Variants in RBFOX3 observed in about 807,000 individuals in gnomAD.
RBFOX3 encodes the protein RNA binding protein fox-1 homolog 3.
RBFOX3 carries 17 observed loss-of-function variants against 48.7 expected under a neutral mutation model. That is an observed-to-expected ratio of 0.35 (90% CI 0.24 to 0.52). The LOEUF is 0.52. Ranked by LOEUF, RBFOX3 falls within the 20% of genes least tolerant of loss-of-function variation. The probability of loss-of-function intolerance (pLI) is 0.94; values close to 1 mark genes in which losing one functional copy is unlikely to be tolerated. For synonymous variants in RBFOX3, 212 were observed against 209.5 expected (o/e 1.01, Z -0.10); for missense variants, 382 against 497.5 (o/e 0.77, Z 2.21).
At chr17:79,619,048 T>C in the RBFOX3 span, among the ~76,000 whole-genome samples, 1 of 152,182 alleles carries the variant, frequency 6.6e-6, no homozygotes, top group African/African-American at 2.4e-5. Context: ...ATTAATATGT[T>C]TGTGGATGCT....
At chr17:79,126,465 C>T (rs2037315128) in intron 4 of RBFOX3, among the ~76,000 whole-genome samples, 1 of 152,112 alleles carries the variant, frequency 6.6e-6, no homozygotes, top group Non-Finnish European at 1.5e-5. Flanking sequence ...CGGGGGCTGA[C>T]CTCTGGCAGG....
intron 2 of RBFOX3, among the ~76,000 whole-genome samples, chr17:79,445,487 G>A (rs542775047): frequency 4.6e-5 from 7 of 152,250 alleles, no homozygotes; most frequent in African/African-American, 1.7e-4. Flanking sequence ...TCGATTTCCA[G>A]GACTGTCTAC....
chr17:79,102,407 C>T lies in RBFOX3; in HGVS notation c.507+755G>A, dbSNP rs1599426859. On this transcript the variant is annotated intron_variant, in intron 8 of 14. Coordinates refer to ENST00000693108, the MANE Select transcript of RBFOX3 (RefSeq NM_001350451.2). ...CCAGTGCCTTCAGAAGTCTGGAAAC[C>T]TCCTCTCAGGCCCTTCACTGCCTGC... 2.6e-5 allele frequency among the ~76,000 whole-genome samples: 4 copies of T among 152,332 alleles called. No individual in the cohort carries two copies. In the South Asian group the frequency reaches 8.3e-4, roughly 32 times the overall value.
At chr17:79,225,101 A>G (rs1230165418) in intron 4 of RBFOX3, among the ~76,000 whole-genome samples, 1 of 152,090 alleles carries the variant, frequency 6.6e-6, no homozygotes, top group African/African-American at 2.4e-5. Flanking sequence ...CCTATGCAAA[A>G]CATGCCCCTG....
intron 3 of RBFOX3, among the ~76,000 whole-genome samples, chr17:79,248,713 G>A (rs2063512336): frequency 1.3e-5 from 2 of 152,178 alleles, no homozygotes; most frequent in African/African-American, 4.8e-5. Context: ...CCCTATCGGG[G>A]GGTGCTTGTA....
At chr17:79,637,528 T>C in the RBFOX3 span, among the ~76,000 whole-genome samples, 131 of 151,960 alleles carry the variant, frequency 8.6e-4, no homozygotes, top group African/African-American at 3.0e-3. Flanking sequence ...ACCCCGTTTC[T>C]ATTAAAAATA....
intron 4 of RBFOX3, among the ~76,000 whole-genome samples, chr17:79,170,570 G>C (rs1054706965): frequency 1.3e-5 from 2 of 152,074 alleles, no homozygotes; most frequent in African/African-American, 4.8e-5. Context: ...CTGTTCTACA[G>C]GGACCCCTCC....
chr17:79,602,783 C>T (rs1017703776), intron 1 of RBFOX3, among the ~76,000 whole-genome samples: 6 of 152,106 alleles, frequency 3.9e-5, no homozygotes, highest in African/African-American at 1.2e-4. Flanking sequence ...CCTCAGCCTG[C>T]GCGGTAAGCG....
At chr17:79,500,011 T>A (rs1188960753) in intron 1 of RBFOX3, among the ~76,000 whole-genome samples, 3 of 152,152 alleles carry the variant, frequency 2.0e-5, no homozygotes, top group Non-Finnish European at 4.4e-5. Flanking sequence ...GTGGAAGAGA[T>A]GGTGAGCCAT....
At chr17:79,660,622 A>G in the RBFOX3 span, among the ~76,000 whole-genome samples, 127,704 of 152,208 alleles carry the variant, frequency 0.84, 54,620 homozygotes, top group Non-Finnish European at 0.93. Flanking sequence ...TCAGAATGGC[A>G]ATTATTAAAG....
chr17:79,271,085 T>TC (rs2067599346), intron 3 of RBFOX3, among the ~76,000 whole-genome samples: 4 of 146,852 alleles, frequency 2.7e-5, no homozygotes, highest in South Asian at 2.2e-4. Context: ...AGATTTTTTT[T>TC]TTTTTTTGAG....
intron 1 of RBFOX3, among the ~76,000 whole-genome samples, chr17:79,544,860 C>T (rs2090182610): frequency 6.6e-6 from 1 of 151,820 alleles, no homozygotes; most frequent in African/African-American, 2.4e-5. Flanking sequence ...AGAACTCCCT[C>T]CCCAACACCC....
intron 3 of RBFOX3, among the ~76,000 whole-genome samples, chr17:79,304,517 C>A (rs35657482): frequency 6.6e-6 from 1 of 151,090 alleles, no homozygotes; most frequent in African/African-American, 2.4e-5. Flanking sequence ...AAAAAAAAAA[C>A]TGCTAGAAGA....
chr17:79,160,336 G>A (rs538830752), intron 4 of RBFOX3, among the ~76,000 whole-genome samples: 1 of 152,350 alleles, frequency 6.6e-6, no homozygotes, highest in South Asian at 2.1e-4. Flanking sequence ...ACGAGCGTGT[G>A]AGCGTGCAGC....
chr17:79,177,406 C>T (rs1040599140), intron 4 of RBFOX3, among the ~76,000 whole-genome samples: 2 of 152,248 alleles, frequency 1.3e-5, no homozygotes, highest in African/African-American at 4.8e-5. Flanking sequence ...TAGCGGGCAG[C>T]AGACACCCCG....
chr17:79,398,895 G>A (rs547579748), intron 2 of RBFOX3, among the ~76,000 whole-genome samples: 6 of 152,278 alleles, frequency 3.9e-5, no homozygotes, highest in African/African-American at 9.6e-5. Context: ...ACCTGTGAAC[G>A]AGATCTTCTT....
chr17:79,301,078 C>G, intron 3 of RBFOX3, among the ~76,000 whole-genome samples: 1 of 152,208 alleles, frequency 6.6e-6, no homozygotes, highest in East Asian at 1.9e-4. Context: ...CACTGCACCT[C>G]GGCAGTTTTA....
intron 4 of RBFOX3, among the ~76,000 whole-genome samples, chr17:79,143,869 G>C (rs1450689317): frequency 6.6e-6 from 1 of 152,240 alleles, no homozygotes; most frequent in Non-Finnish European, 1.5e-5. Flanking sequence ...CTGGGCTCAA[G>C]CCAGGACACC....
intron 2 of RBFOX3, among the ~76,000 whole-genome samples, chr17:79,335,963 G>A (rs77141030): frequency 6.6e-6 from 1 of 152,200 alleles, no homozygotes; most frequent in Admixed American, 6.5e-5. Flanking sequence ...AAAACTCGCT[G>A]TTTCTCACAC....
Sources: gnomAD v4.1 joint callset for allele counts (sites outside exome capture counted in the v4.1 genomes callset) on GRCh38, gnomAD v4.1.1 for gene constraint, MANE v1.5 for transcripts, NCBI Gene and HGNC (gene_info 2026-07-23, HGNC 2026-07-21) for gene names.